The following RAD21L1 variants were observed in gnomAD, a reference collection of about 807,000 sequenced individuals.
RAD21L1 encodes RAD21 cohesin complex component like 1, also known as double-strand-break repair protein rad21-like protein 1.
Under a neutral mutation model 69.0 loss-of-function variants are expected in RAD21L1, and 47 were observed. That is an observed-to-expected ratio of 0.68 (90% confidence interval 0.54 to 0.87). The LOEUF (loss-of-function observed/expected upper bound fraction) is 0.87, where lower values mean the gene tolerates loss of function less well. Ranked by LOEUF, RAD21L1 falls within the 40% of genes least tolerant of loss-of-function variation. The pLI, the probability that RAD21L1 is intolerant of heterozygous loss-of-function variation, is 0.00. For synonymous variants in RAD21L1, 177 were observed against 205.8 expected, an observed-to-expected ratio of 0.86 and a Z score of 1.20; for missense variants, 583 against 647.6, an observed-to-expected ratio of 0.90 and a Z score of 1.08.
At chr20:1,250,427 A>C (rs973469025) in intron 13 of RAD21L1, among the ~76,000 whole-genome samples, 1 of 146,522 alleles carries the variant, frequency 6.8e-6, no homozygotes, top group Non-Finnish European at 1.5e-5. Flanking sequence ...CTCATTTTTC[A>C]ATTCCCACCT....
chr20:1,238,177 T>A lies in RAD21L1; in HGVS notation c.609T>A (p.Asp203Glu). 6.5e-7 allele frequency: 1 copy of A among 1,532,464 alleles called. No homozygotes were observed. Among genetic ancestry groups the A allele is most frequent in the Non-Finnish European group, 8.8e-7 (1 of 1,134,758 alleles). The allele number at this position is 1,532,464 out of a possible 1,614,324, so 94.9% of individuals were successfully genotyped here. A position where few individuals can be genotyped will look rare whatever the true frequency, so the allele number is the denominator to read the frequency against. ...GATCTCTATTCTATGACAGTGGAGA[T>A]GGGTTTGGAGATGAAGGAGCTGCAG... Reference protein sequence around the residue: ...GERSLFYDSGDGFGDEGAAGE... With the variant: ...GERSLFYDSGEGFGDEGAAGE... The change falls in exon 6 of 14, where the codon GAT becomes GAA. Residue 203 changes from aspartate (D) to glutamate (E), a missense_variant. Asp to Glu is a conservative substitution (Grantham distance 45). Coordinates refer to ENST00000683101, the MANE Select transcript of RAD21L1 (RefSeq NM_001384355.1).
At chr20:1,248,045 CAAA>C (rs71327497) in intron 12 of RAD21L1, among the ~76,000 whole-genome samples, 70 of 71,936 alleles carry the variant, frequency 9.7e-4, no homozygotes, top group African/African-American at 3.6e-3. Flanking sequence ...CCTTAAATAC[CAAA>C]AAAAAAAAAA....
intron 3 of RAD21L1, 49 bp from the exon 4 acceptor site, chr20:1,231,476 GT>G: frequency 2.2e-6 from 2 of 924,684 alleles, no homozygotes; most frequent in South Asian, 3.0e-5. Context: ...GGAGTTCTTT[GT>G]TTTATATAGC....
intron 5 of RAD21L1, among the ~76,000 whole-genome samples, chr20:1,236,512 A>G (rs1202296509): frequency 6.6e-6 from 1 of 152,246 alleles, no homozygotes; most frequent in African/African-American, 2.4e-5. Context: ...ACATTTCTGT[A>G]TCTTCCTTTA....
At chr20:1,239,968 G>A (rs1213229848) in intron 7 of RAD21L1, among the ~76,000 whole-genome samples, 15 of 151,882 alleles carry the variant, frequency 9.9e-5, no homozygotes, top group Admixed American at 9.8e-4. Context: ...ACTGATAAGT[G>A]ATTTAACAGA....
At chr20:1,244,901 C>T (rs936923787) in intron 11 of RAD21L1, among the ~76,000 whole-genome samples, 1 of 152,162 alleles carries the variant, frequency 6.6e-6, no homozygotes, top group African/African-American at 2.4e-5. Context: ...AAGACAATTT[C>T]ACAGTGCATT....
chr20:1,236,731 T>C (rs2087501938), intron 5 of RAD21L1, among the ~76,000 whole-genome samples: 1 of 152,244 alleles, frequency 6.6e-6, no homozygotes, highest in Non-Finnish European at 1.5e-5. Flanking sequence ...TTCACCAATA[T>C]GTGATTTTTC....
chr20:1,226,641 C>G (rs561631621), intron 1 of RAD21L1, among the ~76,000 whole-genome samples: 53 of 152,324 alleles, frequency 3.5e-4, no homozygotes, highest in African/African-American at 1.3e-3. Flanking sequence ...GCCACCGCCG[C>G]CACCCTGCCC....
At chr20:1,240,183 G>A (rs971624280) in intron 7 of RAD21L1, 138 bp from the exon 8 acceptor site, 2 of 1,359,002 alleles carry the variant, frequency 1.5e-6, no homozygotes, top group African/African-American at 3.0e-5. Context: ...TTAAATAAAT[G>A]GTTCTAAGAA....
At chr20:1,230,197 GT>G (rs988425520) in intron 3 of RAD21L1, among the ~76,000 whole-genome samples, 188 bp downstream of exon 3, 7 of 152,094 alleles carry the variant, frequency 4.6e-5, no homozygotes, top group African/African-American at 1.7e-4. Flanking sequence ...GCAGGAAAAG[GT>G]TATGCTTTCC....
chr20:1,241,275 T>C (rs2087602030), intron 8 of RAD21L1, among the ~76,000 whole-genome samples: 1 of 152,240 alleles, frequency 6.6e-6, no homozygotes, highest in Admixed American at 6.5e-5. Flanking sequence ...TGCAAGTGAA[T>C]ATAATATAAG....
intron 3 of RAD21L1, 76 bp from the exon 4 acceptor site, chr20:1,231,450 A>G (rs2087389130): frequency 4.0e-6 from 3 of 742,166 alleles, no homozygotes; most frequent in Non-Finnish European, 7.0e-6. Flanking sequence ...CCAGTAAAAG[A>G]ATATAGAGTT....
intron 11 of RAD21L1, among the ~76,000 whole-genome samples, chr20:1,245,198 T>C (rs528508511): frequency 1.3e-5 from 2 of 152,192 alleles, no homozygotes; most frequent in Non-Finnish European, 2.9e-5. Flanking sequence ...ATGCTTATGC[T>C]TTAAACCTTC....
intron 13 of RAD21L1, among the ~76,000 whole-genome samples, chr20:1,253,811 CT>C (rs2087882552): frequency 6.6e-6 from 1 of 152,160 alleles, no homozygotes; most frequent in Non-Finnish European, 1.5e-5. Flanking sequence ...TCATAATCCC[CT>C]GACACTGAAA....
At chr20:1,231,840 C>A (rs2087397280) in intron 4 of RAD21L1, among the ~76,000 whole-genome samples, 1 of 152,170 alleles carries the variant, frequency 6.6e-6, no homozygotes. Context: ...TTCATCTATT[C>A]ATTCAGTAAA....
intron 5 of RAD21L1, among the ~76,000 whole-genome samples, chr20:1,236,396 A>G (rs1434085290): frequency 2.0e-5 from 3 of 152,156 alleles, no homozygotes; most frequent in Non-Finnish European, 4.4e-5. Flanking sequence ...CCCTCTGCCA[A>G]TTTATCACCT....
intron 13 of RAD21L1, among the ~76,000 whole-genome samples, chr20:1,252,404 T>C (rs962189995): frequency 6.6e-6 from 1 of 152,140 alleles, no homozygotes; most frequent in African/African-American, 2.4e-5. Flanking sequence ...TCCCTTAGAA[T>C]AGTCATCTTT....
At chr20:1,242,879 G>T in intron 9 of RAD21L1, 34 bp downstream of exon 9, 4 of 1,284,736 alleles carry the variant, frequency 3.1e-6, no homozygotes, top group Non-Finnish European at 4.4e-6. Flanking sequence ...TGTGAGCAAT[G>T]TCTGGTTATA....
At position 1,228,568 on chromosome 20, in the gene RAD21L1, A is replaced by T. The variant is rs1453261596; in HGVS notation, c.115A>T (p.Ile39Leu). ...KAHVFECNLE[I>L]TIEKILSPKV... is the part of the protein sequence containing the mutation. Reference sequence around the variant, plus strand: ...CCATGTATTTGAATGTAATCTAGAGATAACCATTGAAAAAATTCTTTCACC... The same window carrying T: ...CCATGTATTTGAATGTAATCTAGAGTTAACCATTGAAAAAATTCTTTCACC... Residue 39 changes from isoleucine to leucine, a missense_variant, in exon 2 of 14, where the codon ATA becomes TTA. Ile to Leu is a conservative substitution (Grantham distance 5). Coordinates refer to ENST00000683101, the MANE Select transcript of RAD21L1 (RefSeq NM_001384355.1). 6.5e-7 allele frequency: 1 copy of T among 1,545,638 alleles called. No individual in the cohort carries two copies. Among genetic ancestry groups the T allele is most frequent in the Non-Finnish European group, 8.7e-7 (1 of 1,144,758 alleles).
Sources: allele counts gnomAD v4.1 joint callset (sites outside exome capture counted in the v4.1 genomes callset), GRCh38; gene constraint gnomAD v4.1.1; transcripts MANE v1.5; gene names NCBI Gene and HGNC (gene_info 2026-07-23, HGNC 2026-07-21).